Variants in PTPRD observed in about 807,000 individuals in gnomAD.
PTPRD encodes protein tyrosine phosphatase receptor type D, also known as receptor-type tyrosine-protein phosphatase delta.
Under a neutral mutation model 214.5 loss-of-function variants are expected in PTPRD, and 34 were observed. The observed-to-expected ratio is 0.16, with a 90% CI of 0.12 to 0.21. The LOEUF (loss-of-function observed/expected upper bound fraction) is 0.21. PTPRD is among the 10% of genes least tolerant of loss of function. The pLI is 1.00. For synonymous variants in PTPRD, 1,128 were observed against 845.7 expected (o/e 1.33, Z -5.79); for missense variants, 2,545 against 2,398.7 (o/e 1.06, Z -1.27).
intron 11 of PTPRD, among the ~76,000 whole-genome samples, chr9:8,833,766 T>A (rs1011187112): frequency 7.3e-6 from 1 of 137,326 alleles, no homozygotes; most frequent in African/African-American, 2.9e-5. Flanking sequence ...ATATATTATA[T>A]ATATGTATGA....
chr9:10,371,040 T>A (rs938891293), intron 2 of PTPRD, among the ~76,000 whole-genome samples: 3 of 152,058 alleles, frequency 2.0e-5, no homozygotes, highest in African/African-American at 4.8e-5. Flanking sequence ...AAAGTTATAA[T>A]GAAAAGCATT....
chr9:9,793,706 G>GAA (rs555780053), intron 5 of PTPRD, among the ~76,000 whole-genome samples: 1 of 150,022 alleles, frequency 6.7e-6, no homozygotes, highest in African/African-American at 2.4e-5. Flanking sequence ...TATTATTTTA[G>GAA]AAAAAAAAAT....
At chr9:8,907,692 T>A (rs1270882855) in intron 11 of PTPRD, among the ~76,000 whole-genome samples, 2 of 151,722 alleles carry the variant, frequency 1.3e-5, no homozygotes, top group South Asian at 4.2e-4. Flanking sequence ...ACTTAATATA[T>A]AATAAGACGT....
At chr9:9,765,762 G>A (rs894115476) in intron 6 of PTPRD, among the ~76,000 whole-genome samples, 8 of 152,100 alleles carry the variant, frequency 5.3e-5, no homozygotes, top group African/African-American at 1.4e-4. Flanking sequence ...CTGGGTTCAC[G>A]CCATTCTCCT....
intron 36 of PTPRD, among the ~76,000 whole-genome samples, chr9:8,394,468 C>A (rs2090532786): frequency 6.6e-6 from 1 of 152,126 alleles, no homozygotes; most frequent in South Asian, 2.1e-4. Context: ...ATAGCAAGCA[C>A]TTGCTAAGAA....
chr9:8,430,779 C>T (rs1281220795), intron 35 of PTPRD, among the ~76,000 whole-genome samples: 1 of 152,110 alleles, frequency 6.6e-6, no homozygotes, highest in Admixed American at 6.5e-5. Flanking sequence ...ATAAAATGCA[C>T]TTCACTCCTC....
At chr9:10,396,368 A>G (rs1327240283) in intron 2 of PTPRD, among the ~76,000 whole-genome samples, 3 of 151,986 alleles carry the variant, frequency 2.0e-5, no homozygotes, top group Admixed American at 6.6e-5. Flanking sequence ...TGGCTTGGCA[A>G]TAGACCATGT....
intron 7 of PTPRD, among the ~76,000 whole-genome samples, chr9:9,667,149 A>G (rs1163244576): frequency 6.6e-6 from 1 of 151,852 alleles, no homozygotes; most frequent in Non-Finnish European, 1.5e-5. Flanking sequence ...TTTATTACTG[A>G]TTACTCATGG....
chr9:8,453,770 T>G (rs72692927), intron 33 of PTPRD, among the ~76,000 whole-genome samples: 5,956 of 152,244 alleles, frequency 0.039, 179 homozygotes, highest in Non-Finnish European at 0.059. Context: ...TCTGATTTAG[T>G]AGGTCTGAGG....
At chr9:10,036,284 T>C (rs527513258) in intron 3 of PTPRD, among the ~76,000 whole-genome samples, 11 of 152,256 alleles carry the variant, frequency 7.2e-5, no homozygotes, top group African/African-American at 1.4e-4. Context: ...AAATGGTAGA[T>C]TGTTGACAGG....
At chr9:8,434,603 C>T (rs138483466) in intron 35 of PTPRD, among the ~76,000 whole-genome samples, 262 of 152,082 alleles carry the variant, frequency 1.7e-3, no homozygotes, top group African/African-American at 5.8e-3. Context: ...ATCATATTTC[C>T]GTAATTTGTA....
chr9:9,155,242 A>AT (rs1343868806), intron 10 of PTPRD, among the ~76,000 whole-genome samples: 2 of 152,156 alleles, frequency 1.3e-5, no homozygotes, highest in Non-Finnish European at 2.9e-5. Flanking sequence ...TAGTAACTAG[A>AT]TTTTTTAAAT....
At chr9:8,540,879 C>T (rs538082982) in intron 14 of PTPRD, among the ~76,000 whole-genome samples, 96 of 152,312 alleles carry the variant, frequency 6.3e-4, no homozygotes, top group African/African-American at 2.2e-3. Context: ...TATTTTACCA[C>T]ATTCAGTAAC....
intron 45 of PTPRD, 72 bp from the exon 46 acceptor site, chr9:8,318,014 C>A (rs1823157553): frequency 7.6e-7 from 1 of 1,310,098 alleles, no homozygotes; most frequent in South Asian, 1.4e-5. Flanking sequence ...AAATAAAAAT[C>A]AATATTGCAT....
chr9:10,068,939 C>T (rs2097938285), intron 3 of PTPRD, among the ~76,000 whole-genome samples: 1 of 152,042 alleles, frequency 6.6e-6, no homozygotes, highest in Non-Finnish European at 1.5e-5. Context: ...AGACTGCCTT[C>T]AGACTTCTTT....
chr9:9,919,788 C>G (rs1458163580), intron 5 of PTPRD, among the ~76,000 whole-genome samples: 2 of 152,116 alleles, frequency 1.3e-5, no homozygotes, highest in Non-Finnish European at 2.9e-5. Context: ...CCTGAGTGAG[C>G]CTCAGTCTTC....
chr9:8,680,454 A>C (rs1308510004), intron 12 of PTPRD, among the ~76,000 whole-genome samples: 1 of 152,214 alleles, frequency 6.6e-6, no homozygotes, highest in East Asian at 1.9e-4. Context: ...TGACATCATA[A>C]GTGACTGCCC....
chr9:9,862,931 C>T (rs950499821), intron 5 of PTPRD, among the ~76,000 whole-genome samples: 1 of 151,506 alleles, frequency 6.6e-6, no homozygotes, highest in African/African-American at 2.4e-5. Flanking sequence ...TTGAAATTCA[C>T]CTTATTTCAT....
chr9:9,389,792 C>T (rs1362366193), intron 9 of PTPRD, among the ~76,000 whole-genome samples: 1 of 152,102 alleles, frequency 6.6e-6, no homozygotes, highest in Non-Finnish European at 1.5e-5. Flanking sequence ...ATTTGTGCAA[C>T]AAATAGTTAT....
Sources: allele counts gnomAD v4.1 joint callset (sites outside exome capture counted in the v4.1 genomes callset), GRCh38; gene constraint gnomAD v4.1.1; transcripts MANE v1.5; gene names NCBI Gene and HGNC (gene_info 2026-07-23, HGNC 2026-07-21).